The following PCDH9 variants were observed in gnomAD, a reference collection of about 807,000 sequenced individuals.
PCDH9 encodes protocadherin 9.
In PCDH9, 24 loss-of-function variants were observed where a neutral mutation model predicts 70.6. The ratio of observed to expected loss-of-function variants is 0.34; its 90% confidence interval spans 0.25 to 0.48. The LOEUF is 0.48. PCDH9 is among the 20% of genes least tolerant of loss of function. The pLI, the probability that PCDH9 is intolerant of heterozygous loss-of-function variation, is 0.99. For synonymous variants in PCDH9, 562 were observed against 558.5 expected (o/e 1.01, Z -0.09); for missense variants, 1,281 against 1,503.6 (o/e 0.85, Z 2.45).
chr13:66,678,508 T>A (rs1216618402), intron 3 of PCDH9, among the ~76,000 whole-genome samples: 2 of 152,040 alleles, frequency 1.3e-5, no homozygotes, highest in Non-Finnish European at 2.9e-5. Flanking sequence ...ATTCATAGTA[T>A]GTATTATCTT....
intron 4 of PCDH9, among the ~76,000 whole-genome samples, chr13:66,476,190 G>T (rs544549635): frequency 3.9e-5 from 6 of 151,934 alleles, no homozygotes; most frequent in Non-Finnish European, 8.8e-5. Context: ...TTTGTTTATT[G>T]TTCAAGTTTT....
intron 4 of PCDH9, among the ~76,000 whole-genome samples, chr13:66,411,566 T>C (rs1957369654): frequency 6.6e-6 from 1 of 152,052 alleles, no homozygotes; most frequent in African/African-American, 2.4e-5. Context: ...GAAATTAAAT[T>C]ATCTCACCCA....
rs543497105 is a variant in PCDH9 at position 66,780,833 on chromosome 13, G to A, written c.3138+122671C>T. 2.6e-5 allele frequency among the ~76,000 whole-genome samples: 4 copies of A among 152,244 alleles called. No homozygotes were observed. In the South Asian group the frequency reaches 6.2e-4, roughly 24 times the overall value. ...CAGTGCCTAGAACAGTATCTAGCAC[G>A]TGGTAGGTATTCAATAAATATTTTT... On this transcript the variant is annotated intron_variant, in intron 3 of 4. Transcript: ENST00000377865.
In PCDH9 at chr13:67,226,866, T is replaced by C; in HGVS notation, c.1575A>G (p.Thr525=). The change falls in exon 2 of 5, where the codon ACA becomes ACG. Residue 525 remains threonine, a synonymous_variant. Coordinates refer to ENST00000377865, the MANE Select transcript of PCDH9 (RefSeq NM_203487.3). The surrounding 1 kb of genome is among the most constrained non-coding windows in gnomAD (Gnocchi z 5.0). The part of the protein sequence containing the change: ...FDLDRKTGVL[T]ASRVFDREEQ... ...CTTCTCTGTCAAATACTCTGGAGGC[T>C]GTCAAAACTCCTGTTTTTCGGTCCA... 6.2e-7 allele frequency: 1 copy of C among 1,614,198 alleles called. No homozygotes were observed.
intron 4 of PCDH9, among the ~76,000 whole-genome samples, chr13:66,567,066 A>C (rs1042176826): frequency 3.9e-5 from 6 of 152,138 alleles, no homozygotes; most frequent in African/African-American, 1.4e-4. Flanking sequence ...TTAAAAAAAA[A>C]ATCCTTAAAA....
chr13:66,988,414 T>C (rs1022893582), intron 2 of PCDH9, among the ~76,000 whole-genome samples: 4 of 152,024 alleles, frequency 2.6e-5, no homozygotes, highest in African/African-American at 9.7e-5. Flanking sequence ...AACAGCTCCT[T>C]ATGCTATTTA....
At chr13:66,375,833 A>G (rs1490958604) in intron 4 of PCDH9, among the ~76,000 whole-genome samples, 1 of 152,072 alleles carries the variant, frequency 6.6e-6, no homozygotes, top group Non-Finnish European at 1.5e-5. Flanking sequence ...CTACTCCATT[A>G]TTCCATAGTA....
intron 4 of PCDH9, among the ~76,000 whole-genome samples, chr13:66,366,853 C>T (rs998694091): frequency 6.6e-6 from 1 of 152,018 alleles, no homozygotes; most frequent in Non-Finnish European, 1.5e-5. Context: ...CCTGGTTCAC[C>T]TGAGTTAGTT....
intron 2 of PCDH9, among the ~76,000 whole-genome samples, chr13:67,152,677 A>C (rs974848295): frequency 5.3e-5 from 8 of 152,184 alleles, no homozygotes; most frequent in African/African-American, 1.7e-4. Context: ...TAAACAAAAT[A>C]GCCCCCACTT....
intron 4 of PCDH9, among the ~76,000 whole-genome samples, chr13:66,597,935 A>C (rs546602355): frequency 6.6e-6 from 1 of 151,992 alleles, no homozygotes; most frequent in South Asian, 2.1e-4. Context: ...CCAAAAAAAA[A>C]CAAAGATGCA....
intron 2 of PCDH9, among the ~76,000 whole-genome samples, chr13:67,141,794 AGTATT>A (rs2087398272): frequency 1.3e-5 from 2 of 151,612 alleles, no homozygotes; most frequent in Non-Finnish European, 2.9e-5. Flanking sequence ...GTGATGTATC[AGTATT>A]GTATTATACA....
chr13:66,639,891 T>G (rs1031599584), intron 3 of PCDH9, among the ~76,000 whole-genome samples: 1 of 152,178 alleles, frequency 6.6e-6, no homozygotes, highest in Non-Finnish European at 1.5e-5. Context: ...GTACTTTATC[T>G]GAGCACACGA....
chr13:66,862,234 T>C (rs2081496265), intron 3 of PCDH9, among the ~76,000 whole-genome samples: 1 of 152,202 alleles, frequency 6.6e-6, no homozygotes, highest in South Asian at 2.1e-4. Context: ...CAAGCATTTC[T>C]TTTTCTTATC....
chr13:66,996,044 G>A (rs1022190669), intron 2 of PCDH9, among the ~76,000 whole-genome samples: 2 of 152,092 alleles, frequency 1.3e-5, no homozygotes, highest in Admixed American at 6.5e-5. Flanking sequence ...GAACAACACT[G>A]TCTAGTCTTG....
intron 2 of PCDH9, among the ~76,000 whole-genome samples, chr13:67,063,949 G>A (rs1426874714): frequency 6.6e-6 from 1 of 152,090 alleles, no homozygotes; most frequent in Non-Finnish European, 1.5e-5. Context: ...GAGAGAGCAA[G>A]AACATTTTGC....
At chr13:67,181,382 C>T (rs987142427) in intron 2 of PCDH9, among the ~76,000 whole-genome samples, 1 of 151,898 alleles carries the variant, frequency 6.6e-6, no homozygotes, top group African/African-American at 2.4e-5. Context: ...ATTTCATAAG[C>T]CGTAGAGGAA....
chr13:66,902,925 A>T (rs1326757271), intron 3 of PCDH9, among the ~76,000 whole-genome samples: 1 of 151,822 alleles, frequency 6.6e-6, no homozygotes, highest in Non-Finnish European at 1.5e-5. Context: ...ACAACTATGG[A>T]TCTTCTACCT....
chr13:66,901,037 T>TA (rs1318393423), intron 3 of PCDH9, among the ~76,000 whole-genome samples: 2 of 151,834 alleles, frequency 1.3e-5, no homozygotes, highest in African/African-American at 4.8e-5. Flanking sequence ...AAAAAGTGGT[T>TA]ACTAAAACTG....
At chr13:66,757,623 G>A (rs536501371) in intron 3 of PCDH9, among the ~76,000 whole-genome samples, 6 of 152,002 alleles carry the variant, frequency 3.9e-5, no homozygotes, top group East Asian at 1.9e-4. Flanking sequence ...TGTCACATAC[G>A]ATATAGAGCC....
Sources: gnomAD v4.1 joint callset for allele counts (sites outside exome capture counted in the v4.1 genomes callset) on GRCh38, gnomAD v4.1.1 for gene constraint, Gnocchi (gnomAD v3.1) non-coding constraint, MANE v1.5 for transcripts, NCBI Gene and HGNC (gene_info 2026-07-23, HGNC 2026-07-21) for gene names.